TMEM106B: variants seen among roughly 807,000 people sequenced by gnomAD.
TMEM106B encodes the protein transmembrane protein 106B.
In TMEM106B, 15 loss-of-function variants were observed where a neutral mutation model predicts 31.1. The ratio of observed to expected loss-of-function variants is 0.48; its 90% CI spans 0.32 to 0.74. TMEM106B has a LOEUF of 0.74. TMEM106B is among the 30% of genes least tolerant of loss of function. The pLI is 0.03. For synonymous variants in TMEM106B, 126 were observed against 112.5 expected, an observed-to-expected ratio of 1.12 and a Z score of -0.76; for missense variants, 283 against 327.3, an observed-to-expected ratio of 0.86 and a Z score of 1.04.
Position 12,232,037 on chromosome 7 carries a change from A to G in TMEM106B, c.*62A>G, listed in dbSNP as rs1332900008. On this transcript the variant is annotated 3_prime_UTR_variant, in exon 8 of 8. Coordinates refer to ENST00000396668, the MANE Select transcript of TMEM106B (RefSeq NM_001134232.2). ...TTGATATTTCCTATACTCTCAATGA[A>G]GAGGTATTTCCTAATAGGAGACCTT... 3 of 1,517,590 alleles carry G rather than the reference A, an allele frequency of 2.0e-6. No homozygotes were observed. Among genetic ancestry groups the G allele is most frequent in the Non-Finnish European group, 2.7e-6 (3 of 1,114,038 alleles). The allele number at this position is 1,517,590 out of a possible 1,614,324, so 94.0% of individuals were successfully genotyped here.
rs1156907363 is a variant in TMEM106B at position 12,234,420 on chromosome 7, A to G, written c.*2445A>G. Reference sequence around the variant, plus strand: ...AGAGAAATAAAGATGGTATGTGACTACTTTCAGAGAGAGTTAAGTAACTGT... The same window carrying G: ...AGAGAAATAAAGATGGTATGTGACTGCTTTCAGAGAGAGTTAAGTAACTGT... On this transcript the variant is annotated 3_prime_UTR_variant, in exon 8 of 8. Coordinates refer to ENST00000396668, the MANE Select transcript of TMEM106B (RefSeq NM_001134232.2). The G allele has an allele frequency of 2.0e-5, 3 of 151,896 alleles. No homozygotes were observed. Among genetic ancestry groups the G allele is most frequent in the Admixed American group, 6.6e-5 (1 of 15,222 alleles). 9.4% of individuals were successfully genotyped at this position (151,896 alleles called of 1,614,324 possible). A position where few individuals can be genotyped will look rare whatever the true frequency, so the allele number is the denominator to read the frequency against.
Position 12,234,651 on chromosome 7 carries a change from A to G in TMEM106B, c.*2676A>G, listed in dbSNP as rs1470713712. The stretch of plus-strand genomic sequence containing the variant: ...TAAACTGCTCTCAGACCTTATCCAG[A>G]GGACATGGTAAAGATATGTTACAGA... On this transcript the variant is annotated 3_prime_UTR_variant, in exon 8 of 8. Coordinates refer to ENST00000396668, the MANE Select transcript of TMEM106B (RefSeq NM_001134232.2). 1.3e-5 allele frequency: 2 copies of G among 151,912 alleles called. No homozygotes were observed. The highest frequency in any genetic ancestry group is 4.8e-5 in the African/African-American group (2 of 41,420). The allele number at this position is 151,912 out of a possible 1,614,324, so 9.4% of individuals were successfully genotyped here. A position where few individuals can be genotyped will look rare whatever the true frequency, so the allele number is the denominator to read the frequency against.
intron 4 of TMEM106B, 54 bp from the exon 5 acceptor site, chr7:12,229,603 GAAGTTACTTTAATTTTAAATAC>G: frequency 2.6e-6 from 3 of 1,174,866 alleles, no homozygotes; most frequent in Non-Finnish European, 3.5e-6. Flanking sequence ...AGCTACAGCT[GAAGTTACTTTAATTTTAAATAC>G]ATATTTGTAT....
intron 6 of TMEM106B, 115 bp from the exon 7 acceptor site, chr7:12,230,947 C>T: frequency 1.5e-6 from 1 of 667,132 alleles, no homozygotes; most frequent in Non-Finnish European, 2.4e-6. Context: ...AAATTCTCAA[C>T]CAACAAATGC....
intron 3 of TMEM106B, among the ~76,000 whole-genome samples, chr7:12,223,552 A>G (rs1024896553): frequency 9.2e-6 from 1 of 108,648 alleles, no homozygotes; most frequent in Non-Finnish European, 1.8e-5. Context: ...TGTAATGGCA[A>G]AACTTAACAT....
chr7:12,228,392 A>C, intron 4 of TMEM106B, among the ~76,000 whole-genome samples: 1 of 151,884 alleles, frequency 6.6e-6, no homozygotes, highest in East Asian at 1.9e-4. Context: ...TTTAGTACTT[A>C]TTTATGTGCA....
intron 4 of TMEM106B, among the ~76,000 whole-genome samples, chr7:12,226,290 T>G (rs1250297534): frequency 6.6e-6 from 1 of 152,172 alleles, no homozygotes; most frequent in African/African-American, 2.4e-5. Context: ...TAGTATAGTT[T>G]GAAGTGATGC....
At position 12,235,922 on chromosome 7, in the gene TMEM106B, G is replaced by A. The variant is rs1386025124; in HGVS notation, c.*3947G>A. 1 of 151,786 alleles carries A rather than the reference G, an allele frequency of 6.6e-6. No homozygotes were observed. The highest frequency in any genetic ancestry group is 1.5e-5 in the Non-Finnish European group (1 of 67,822). The allele number at this position is 151,786 out of a possible 1,614,324, so 9.4% of individuals were successfully genotyped here. On this transcript the variant is annotated 3_prime_UTR_variant, in exon 8 of 8. Coordinates refer to ENST00000396668, the MANE Select transcript of TMEM106B (RefSeq NM_001134232.2). The stretch of plus-strand genomic sequence containing the variant: ...TGGAAGCAGCAACTACTTGGCTCAA[G>A]TACATATAAGAGTAATTAGTTTTAT...
chr7:12,230,340 T>C (rs1781994825), intron 5 of TMEM106B, 49 bp from the exon 6 acceptor site: 1 of 1,297,132 alleles, frequency 7.7e-7, no homozygotes, highest in African/African-American at 1.5e-5. Flanking sequence ...TCTGAAATGT[T>C]TGATGTTTTG....
At position 12,243,357 on chromosome 7, in the gene TMEM106B, T is replaced by A. The variant is rs1215394574; in HGVS notation, c.*11382T>A. 1 of 152,238 alleles carries A rather than the reference T, an allele frequency of 6.6e-6. No homozygotes were observed. The highest frequency in any genetic ancestry group is 6.5e-5 in the Admixed American group (1 of 15,294). 9.4% of individuals were successfully genotyped at this position (152,238 alleles called of 1,614,324 possible). On this transcript the variant is annotated 3_prime_UTR_variant, in exon 8 of 8. Coordinates refer to ENST00000396668, the MANE Select transcript of TMEM106B (RefSeq NM_001134232.2). ...TCATTCTCATGGAAATAAAAGATAATTTGAAAAGCATGTTGTGCTATTTAT... is the reference window on the plus strand; with the variant it reads ...TCATTCTCATGGAAATAAAAGATAAATTGAAAAGCATGTTGTGCTATTTAT...
chr7:12,218,549 T>C (rs755822145), intron 3 of TMEM106B, 28 bp downstream of exon 3: 55 of 1,566,998 alleles, frequency 3.5e-5, no homozygotes, highest in Non-Finnish European at 4.6e-5. Flanking sequence ...TATGGCAGTG[T>C]TTTATGTTTT....
chr7:12,220,450 C>A (rs938558823), intron 3 of TMEM106B, among the ~76,000 whole-genome samples: 1 of 152,082 alleles, frequency 6.6e-6, no homozygotes, highest in Admixed American at 6.6e-5. Context: ...AAAAGGCCAA[C>A]CTCCAAAGCA....
chr7:12,229,805 C>T lies in TMEM106B; in HGVS notation c.568C>T (p.Leu190Phe). The change falls in exon 5 of 8, where the codon CTT becomes TTT. Residue 190 changes from leucine (L) to phenylalanine (F), a missense_variant. Leu to Phe is a conservative substitution (Grantham distance 22, BLOSUM62 0). Transcript: ENST00000396668. ...AAACAACATAACCATTATTGGTCCA[C>T]TTGATATGAAACAAGTAAGAATCAA... ...RLNNITIIGPLDMKQIDYTVP... is the reference protein window; with the variant it reads ...RLNNITIIGPFDMKQIDYTVP... 6.2e-7 allele frequency: 1 copy of T among 1,602,434 alleles called. No individual in the cohort carries two copies. Among genetic ancestry groups the T allele is most frequent in the Non-Finnish European group, 8.5e-7 (1 of 1,176,590 alleles).
chr7:12,214,701 TTTGACTGTTCC>T (rs1432444815), intron 1 of TMEM106B, 97 bp from the exon 2 acceptor site: 1 of 977,062 alleles, frequency 1.0e-6, no homozygotes, highest in Non-Finnish European at 1.5e-6. Flanking sequence ...TTTTACAGAG[TTTGACTGTTCC>T]TTGACTGTTC....
At chr7:12,219,065 A>G (rs1781740119) in intron 3 of TMEM106B, among the ~76,000 whole-genome samples, 2 of 152,176 alleles carry the variant, frequency 1.3e-5, no homozygotes, top group Non-Finnish European at 2.9e-5. Context: ...CAAAAAGACC[A>G]CAAGAGACCT....
Position 12,238,598 on chromosome 7 carries a change from C to A in TMEM106B, c.*6623C>A, listed in dbSNP as rs988371639. On this transcript the variant is annotated 3_prime_UTR_variant, in exon 8 of 8. Coordinates refer to ENST00000396668, the MANE Select transcript of TMEM106B (RefSeq NM_001134232.2). ...AGCTATGGTCTTACAAAATGTATTTCTTATATAGTAAGATTCAAAAGTCAA... is the reference window on the plus strand; with the variant it reads ...AGCTATGGTCTTACAAAATGTATTTATTATATAGTAAGATTCAAAAGTCAA... The A allele has an allele frequency of 6.6e-6, 1 of 152,100 alleles. No homozygotes were observed. 9.4% of individuals were successfully genotyped at this position (152,100 alleles called of 1,614,324 possible). A position where few individuals can be genotyped will look rare whatever the true frequency, so the allele number is the denominator to read the frequency against.
chr7:12,239,387 T>C lies in TMEM106B; in HGVS notation c.*7412T>C, dbSNP rs1261114021. 6.6e-6 allele frequency: 1 copy of C among 152,174 alleles called. No homozygotes were observed. Among genetic ancestry groups the C allele is most frequent in the Non-Finnish European group, 1.5e-5 (1 of 68,016 alleles). 9.4% of individuals were successfully genotyped at this position (152,174 alleles called of 1,614,324 possible). On this transcript the variant is annotated 3_prime_UTR_variant, in exon 8 of 8. Coordinates refer to ENST00000396668, the MANE Select transcript of TMEM106B (RefSeq NM_001134232.2). ...AACATTCCCATATCGGCAATAAGGC[T>C]GTTTGATTTTCTTATCATTCATGTT...
At position 12,240,407 on chromosome 7, in the gene TMEM106B, C is replaced by G. The variant is rs564752187; in HGVS notation, c.*8432C>G. 1 of 152,186 alleles carries G rather than the reference C, an allele frequency of 6.6e-6. No individual in the cohort carries two copies. Among genetic ancestry groups the G allele is most frequent in the South Asian group, 2.1e-4 (1 of 4,828 alleles). 9.4% of individuals were successfully genotyped at this position (152,186 alleles called of 1,614,324 possible). On this transcript the variant is annotated 3_prime_UTR_variant, in exon 8 of 8. Coordinates refer to ENST00000396668, the MANE Select transcript of TMEM106B (RefSeq NM_001134232.2). The stretch of plus-strand genomic sequence containing the variant: ...AGTTGCCCAGTCACAAAGTTTGAGC[C>G]AAGTTTTTTTGTTTTAAACTTGTTT...
intron 3 of TMEM106B, among the ~76,000 whole-genome samples, chr7:12,222,254 A>G (rs1781802800): frequency 6.6e-6 from 1 of 152,216 alleles, no homozygotes; most frequent in Admixed American, 6.5e-5. Context: ...TTTGGTTGCT[A>G]TCACTAGAGC....
Sources: allele counts gnomAD v4.1 joint callset (sites outside exome capture counted in the v4.1 genomes callset), GRCh38; gene constraint gnomAD v4.1.1; transcripts MANE v1.5; gene names NCBI Gene and HGNC (gene_info 2026-07-23, HGNC 2026-07-21).